Variants in PDE10A observed in about 807,000 individuals in gnomAD.
PDE10A encodes the protein cAMP and cAMP-inhibited cGMP 3',5'-cyclic phosphodiesterase 10A.
A neutral mutation model predicts 97.7 loss-of-function variants in PDE10A; 39 were observed. The ratio of observed to expected loss-of-function variants is 0.40; its 90% confidence interval spans 0.31 to 0.52. The LOEUF (loss-of-function observed/expected upper bound fraction) is 0.52, where lower values mean the gene tolerates loss of function less well. PDE10A is among the 20% of genes least tolerant of loss of function. PDE10A has a pLI of 0.56. For synonymous variants in PDE10A, 371 were observed against 376.8 expected (o/e 0.98, Z 0.18); for missense variants, 731 against 1,047.8 (o/e 0.70, Z 4.17).
intron 1 of PDE10A, among the ~76,000 whole-genome samples, chr6:165,647,520 T>C (rs1484797172): frequency 6.6e-6 from 1 of 152,102 alleles, no homozygotes; most frequent in Non-Finnish European, 1.5e-5. Context: ...AGCATTCTAA[T>C]GACAATCCCC....
rs1224779042 is a variant in PDE10A at position 165,732,976 on chromosome 6, T to C, written c.-614-189408A>G. On this transcript the variant is annotated intron_variant, in intron 1 of 19. Coordinates refer to the PDE10A transcript ENST00000366882. ...TGGCTCTCAGGTCCCTGGTTCCTAGTGACAGTTCTCTGGGATGCCAGTTGC... is the reference window on the plus strand; with the variant it reads ...TGGCTCTCAGGTCCCTGGTTCCTAGCGACAGTTCTCTGGGATGCCAGTTGC... 2.0e-5 allele frequency among the ~76,000 whole-genome samples: 3 copies of C among 152,346 alleles called. No homozygotes were observed. The East Asian group carries it at 5.8e-4, about 29-fold the overall frequency.
intron 1 of PDE10A, among the ~76,000 whole-genome samples, chr6:165,597,343 T>C (rs1320025648): frequency 2.0e-5 from 3 of 152,128 alleles, no homozygotes; most frequent in Non-Finnish European, 4.4e-5. Context: ...TCTTCTAATA[T>C]AGAGTACTAA....
At chr6:165,615,520 C>G (rs2128403535) in intron 1 of PDE10A, among the ~76,000 whole-genome samples, 1 of 152,218 alleles carries the variant, frequency 6.6e-6, no homozygotes, top group South Asian at 2.1e-4. Context: ...GGGATATTTT[C>G]ACTTTATTGA....
chr6:165,987,789 A>C, exon 1 of PDE10A: 1 of 448,952 alleles, frequency 2.2e-6, no homozygotes, highest in Non-Finnish European at 4.5e-6. Context: ...GTGCGCGCCG[A>C]TCTTCTCGCA....
chr6:165,769,484 A>G (rs959920707), intron 1 of PDE10A, among the ~76,000 whole-genome samples: 3 of 152,236 alleles, frequency 2.0e-5, no homozygotes, highest in Non-Finnish European at 4.4e-5. Flanking sequence ...GAATTTAAAC[A>G]GTGATGCATA....
chr6:165,592,185 C>T (rs1355265783), intron 1 of PDE10A, among the ~76,000 whole-genome samples: 2 of 152,078 alleles, frequency 1.3e-5, no homozygotes, highest in Non-Finnish European at 2.9e-5. Context: ...TTTGACAAAC[C>T]TGACAAAAAC....
chr6:165,636,120 G>A (rs1788862739), intron 1 of PDE10A, among the ~76,000 whole-genome samples: 1 of 152,054 alleles, frequency 6.6e-6, no homozygotes, highest in South Asian at 2.1e-4. Flanking sequence ...ACATTTACAT[G>A]GTTCCCCTCT....
intron 1 of PDE10A, among the ~76,000 whole-genome samples, chr6:165,824,555 A>G (rs535638931): frequency 2.0e-5 from 3 of 152,322 alleles, no homozygotes; most frequent in Non-Finnish European, 4.4e-5. Flanking sequence ...TATGATCCCA[A>G]TGAGGCAGAA....
chr6:165,985,615 G>A (rs1384046607), intron 1 of PDE10A, among the ~76,000 whole-genome samples: 1 of 152,190 alleles, frequency 6.6e-6, no homozygotes, highest in Non-Finnish European at 1.5e-5. Context: ...AAGCATGGAA[G>A]AAGTAAACGT....
At position 165,428,628 on chromosome 6, in the gene PDE10A, A is replaced by T. The variant is rs760155205; in HGVS notation, c.1653+30T>A. On this transcript the variant is annotated intron_variant, in intron 10 of 21. Transcript: ENST00000539869. ...AGCACCATGGGCCTAAGGGTTAAACAGAATCATACTCAGAACAAAAACAAC... is the reference window on the plus strand; with the variant it reads ...AGCACCATGGGCCTAAGGGTTAAACTGAATCATACTCAGAACAAAAACAAC... The T allele has an allele frequency of 4.9e-6, 5 of 1,025,300 alleles. No individual in the cohort carries two copies. The Admixed American group carries it at 7.7e-5, about 16-fold the overall frequency. 63.5% of individuals were successfully genotyped at this position (1,025,300 alleles called of 1,614,324 possible).
chr6:165,936,409 GA>G (rs1783331878), intron 1 of PDE10A, among the ~76,000 whole-genome samples: 1 of 152,184 alleles, frequency 6.6e-6, no homozygotes, highest in African/African-American at 2.4e-5. Flanking sequence ...CAGAGAGAGA[GA>G]AAGACAACAG....
At chr6:165,672,787 G>A (rs1790684349) in intron 1 of PDE10A, among the ~76,000 whole-genome samples, 1 of 152,152 alleles carries the variant, frequency 6.6e-6, no homozygotes, top group Admixed American at 6.5e-5. Context: ...CCAGTCTCAG[G>A]TATATCTTTA....
intron 13 of PDE10A, among the ~76,000 whole-genome samples, chr6:165,399,378 G>C (rs1015814902): frequency 6.6e-6 from 1 of 152,112 alleles, no homozygotes; most frequent in African/African-American, 2.4e-5. Flanking sequence ...AAATAACTCT[G>C]AAAACAAAGA....
chr6:165,415,745 A>G (rs1788266548), intron 12 of PDE10A, among the ~76,000 whole-genome samples: 1 of 152,350 alleles, frequency 6.6e-6, no homozygotes, highest in Admixed American at 6.5e-5. Context: ...AACTTATGCT[A>G]GGTCAGTTGA....
chr6:165,804,222 G>A (rs1441586571), intron 1 of PDE10A, among the ~76,000 whole-genome samples: 2 of 152,140 alleles, frequency 1.3e-5, no homozygotes, highest in Non-Finnish European at 2.9e-5. Context: ...TGGGCAGATT[G>A]ATAGGGAAGA....
chr6:165,490,079 C>T (rs2128286615), intron 2 of PDE10A, among the ~76,000 whole-genome samples: 1 of 152,270 alleles, frequency 6.6e-6, no homozygotes, highest in African/African-American at 2.4e-5. Context: ...CATCCAAATA[C>T]AAGAAGGTCA....
At chr6:165,827,429 G>A (rs1262941567) in intron 1 of PDE10A, among the ~76,000 whole-genome samples, 1 of 152,240 alleles carries the variant, frequency 6.6e-6, no homozygotes, top group Admixed American at 6.5e-5. Flanking sequence ...TCCTGGGAAT[G>A]TGGTGGTCTC....
Position 165,374,549 on chromosome 6 carries a change from AT to A in PDE10A, c.2783+4644del, listed in dbSNP as rs1340534285. On this transcript the variant is annotated intron_variant, in intron 18 of 21. Transcript: ENST00000539869. Reference sequence around the variant, plus strand: ...TAAGAATAGTAAGTAATAAACAAACATAAAAAAATCTTCAATACAGTGAGTG... The same window carrying A: ...TAAGAATAGTAAGTAATAAACAAACAAAAAAAATCTTCAATACAGTGAGTG... 2.6e-5 allele frequency among the ~76,000 whole-genome samples: 4 copies of A among 152,268 alleles called. No homozygotes were observed. The East Asian group carries it at 7.7e-4, about 29-fold the overall frequency.
intron 1 of PDE10A, among the ~76,000 whole-genome samples, chr6:165,941,296 T>C (rs559398563): frequency 1.3e-5 from 2 of 152,186 alleles, no homozygotes; most frequent in South Asian, 4.1e-4. Context: ...AGAGAAAAAA[T>C]GGACTCGGGC....
Sources: allele counts gnomAD v4.1 joint callset (sites outside exome capture counted in the v4.1 genomes callset), GRCh38; gene constraint gnomAD v4.1.1; transcripts MANE v1.5; gene names NCBI Gene and HGNC (gene_info 2026-07-23, HGNC 2026-07-21).